Variants in LPCAT1 observed in about 807,000 individuals in gnomAD.
LPCAT1 encodes the protein 1-acylglycerol-3-phosphate O-acyltransferase.
Under a neutral mutation model 60.9 loss-of-function variants are expected in LPCAT1, and 23 were observed. That is an observed-to-expected ratio of 0.38 (90% CI 0.27 to 0.53). The LOEUF (loss-of-function observed/expected upper bound fraction) is 0.53, where lower values mean the gene tolerates loss of function less well. Among genes scored for constraint, LPCAT1 ranks in the 20% least tolerant of loss-of-function variants. The pLI, the probability that LPCAT1 is intolerant of heterozygous loss-of-function variation, is 0.82. For missense variants in LPCAT1, 622 were observed against 723.6 expected (o/e 0.86, Z 1.61); for synonymous variants, 340 against 301.1 (o/e 1.13, Z -1.34).
At chr5:1,518,996 A>G (rs111262658) in intron 1 of LPCAT1, among the ~76,000 whole-genome samples, 10 of 152,360 alleles carry the variant, frequency 6.6e-5, no homozygotes, top group African/African-American at 2.4e-4. Context: ...TGGGGGAAGA[A>G]AGCAGCTCCC....
In LPCAT1 at chr5:1,493,733, G is replaced by A. The variant is rs150687523; in HGVS notation, c.493+967C>T. Among the ~76,000 whole-genome samples, 889 of 152,360 alleles carry A rather than the reference G, an allele frequency of 5.8e-3. 11 individuals carry two copies. Among genetic ancestry groups the A allele is most frequent in the African/African-American group, 0.02 (837 of 41,588 alleles). ...CACAGGTGGGTGAGGGGCCACGCAG[G>A]GCTCCCTACAGTCCTCCCAGAGCAG... is the stretch of plus-strand genomic sequence containing the variant. On this transcript the variant is annotated intron_variant, in intron 3 of 13. Transcript: ENST00000283415.
intron 9 of LPCAT1, 46 bp from the exon 10 acceptor site, chr5:1,474,731 A>G (rs1038054964): frequency 6.3e-7 from 1 of 1,580,690 alleles, no homozygotes; most frequent in Non-Finnish European, 8.6e-7. Context: ...CGTGGCAGCC[A>G]GTTCCCACCG....
At chr5:1,485,493 A>T (rs1735336990) in intron 5 of LPCAT1, among the ~76,000 whole-genome samples, 2 of 151,678 alleles carry the variant, frequency 1.3e-5, no homozygotes, top group Admixed American at 1.3e-4. Context: ...CTGCACAGAA[A>T]CCTCCATATT....
chr5:1,522,806 A>T lies in LPCAT1; in HGVS notation c.135+904T>A, dbSNP rs1242652112. Among the ~76,000 whole-genome samples, 1 of 152,072 alleles carries T rather than the reference A, an allele frequency of 6.6e-6. No homozygotes were observed. Among genetic ancestry groups the T allele is most frequent in the Non-Finnish European group, 1.5e-5 (1 of 67,944 alleles). On this transcript the variant is annotated intron_variant, in intron 1 of 13. Transcript: ENST00000283415. This position sits in a 1 kb window ranked among gnomAD's most constrained non-coding sequence, Gnocchi z 6.8. ...AGGAATTATTCTAGAGTCAAAAGTAAGGTCCTCTTGAGAGTGGATCTCAGG... is the reference window on the plus strand; with the variant it reads ...AGGAATTATTCTAGAGTCAAAAGTATGGTCCTCTTGAGAGTGGATCTCAGG...
At chr5:1,466,577 A>C (rs1392832452) in intron 13 of LPCAT1, among the ~76,000 whole-genome samples, 172 bp downstream of exon 13, 2 of 152,206 alleles carry the variant, frequency 1.3e-5, no homozygotes. Flanking sequence ...GAACGCTGCC[A>C]GGTCTCCAGA....
intron 1 of LPCAT1, among the ~76,000 whole-genome samples, chr5:1,512,285 C>A (rs534254101): frequency 7.7e-4 from 118 of 152,340 alleles, no homozygotes; most frequent in African/African-American, 2.6e-3. Flanking sequence ...GATATGGAGC[C>A]GCTGGGCCGG....
chr5:1,479,771 C>A, intron 7 of LPCAT1, 96 bp from the exon 8 acceptor site: 1 of 949,322 alleles, frequency 1.1e-6, no homozygotes, highest in East Asian at 2.6e-5. Flanking sequence ...GACGCGCCCT[C>A]CAGAGGGCGC....
At position 1,462,095 on chromosome 5, in the gene LPCAT1, G is replaced by C. The variant is rs962568305; in HGVS notation, c.*1556C>G. Reference sequence around the variant, plus strand: ...GGTTGTTTTTAAATGTCTGTCAGTGGAGAAACGCGTATCACGAATCTCTGA... The same window carrying C: ...GGTTGTTTTTAAATGTCTGTCAGTGCAGAAACGCGTATCACGAATCTCTGA... On this transcript the variant is annotated 3_prime_UTR_variant, in exon 14 of 14. Transcript: ENST00000283415. 1.3e-5 allele frequency: 2 copies of C among 152,448 alleles called. No homozygotes were observed. Among genetic ancestry groups the C allele is most frequent in the African/African-American group, 4.8e-5 (2 of 41,410 alleles). 9.4% of individuals were successfully genotyped at this position (152,448 alleles called of 1,614,324 possible).
intron 3 of LPCAT1, among the ~76,000 whole-genome samples, chr5:1,490,559 A>C (rs1735539164): frequency 6.6e-6 from 1 of 152,200 alleles, no homozygotes; most frequent in South Asian, 2.1e-4. Context: ...TTGTTCTGGC[A>C]CTTCTGCTTT....
chr5:1,491,987 GAAA>G (rs1735600590), intron 3 of LPCAT1, among the ~76,000 whole-genome samples: 1 of 152,114 alleles, frequency 6.6e-6, no homozygotes, highest in African/African-American at 2.4e-5. Flanking sequence ...CTCTGAGCTG[GAAA>G]CCTGGGAGAC....
rs564418269 is a variant in LPCAT1 at position 1,516,725 on chromosome 5, A to G, written c.135+6985T>C. Among the ~76,000 whole-genome samples, 16 of 152,272 alleles carry G rather than the reference A, an allele frequency of 1.1e-4. No individual in the cohort carries two copies. In the South Asian group the frequency reaches 2.3e-3, roughly 22 times the overall value. The stretch of plus-strand genomic sequence containing the variant: ...AGAGGGAAGTGTGAAATTCAAGAGT[A>G]AAATCAAGGTTTGGAAAAGGCTGCT... On this transcript the variant is annotated intron_variant, in intron 1 of 13. Transcript: ENST00000283415.
At chr5:1,517,220 C>T (rs1579818019) in intron 1 of LPCAT1, among the ~76,000 whole-genome samples, 1 of 152,064 alleles carries the variant, frequency 6.6e-6, no homozygotes, top group Non-Finnish European at 1.5e-5. Context: ...AGGGGACGGT[C>T]GCGGCTCCTG....
In LPCAT1 at chr5:1,476,497, C is replaced by T. The variant is rs918961979; in HGVS notation, c.899+907G>A. 1.3e-5 allele frequency among the ~76,000 whole-genome samples: 2 copies of T among 152,218 alleles called. No homozygotes were observed. The highest frequency in any genetic ancestry group is 2.4e-5 in the African/African-American group (1 of 41,526). On this transcript the variant is annotated intron_variant, in intron 9 of 13. Coordinates refer to ENST00000283415, the MANE Select transcript of LPCAT1 (RefSeq NM_024830.5). The surrounding 1 kb of genome is among the most constrained non-coding windows in gnomAD (Gnocchi z 8.6). ...CCAGGCACACTCTGATGGGCCCGGC[C>T]GTGGCTGTGTTCCCCTCTGGGCTCT...
At chr5:1,466,663 T>C in intron 13 of LPCAT1, 86 bp downstream of exon 13, 1 of 1,430,282 alleles carries the variant, frequency 7.0e-7, no homozygotes, top group Non-Finnish European at 9.4e-7. Context: ...TCCACTCCTG[T>C]CCTGGGCTCC....
rs1426940813 is a variant in LPCAT1 at position 1,462,842 on chromosome 5, A to G, written c.*809T>C. ...ACATCAAACTGCCAACGTTTATAAA[A>G]AAAGAGGGGACTGGAAAAGGATTAA... On this transcript the variant is annotated 3_prime_UTR_variant, in exon 14 of 14. Transcript: ENST00000283415. 1 of 152,188 alleles carries G rather than the reference A, an allele frequency of 6.6e-6. No individual in the cohort carries two copies. Among genetic ancestry groups the G allele is most frequent in the Non-Finnish European group, 1.5e-5 (1 of 68,044 alleles). The allele number at this position is 152,188 out of a possible 1,614,324, so 9.4% of individuals were successfully genotyped here. A position where few individuals can be genotyped will look rare whatever the true frequency, so the allele number is the denominator to read the frequency against.
At chr5:1,512,665 G>C (rs1186975887) in intron 1 of LPCAT1, among the ~76,000 whole-genome samples, 1 of 152,218 alleles carries the variant, frequency 6.6e-6, no homozygotes, top group Non-Finnish European at 1.5e-5. Context: ...GCCTTCACCT[G>C]GAGTCTTCCT....
intron 2 of LPCAT1, among the ~76,000 whole-genome samples, chr5:1,499,682 C>T (rs536171958): frequency 2.0e-5 from 3 of 152,044 alleles, no homozygotes; most frequent in South Asian, 4.2e-4. Context: ...AGCTGCTCAA[C>T]GTCCACCCAC....
chr5:1,508,479 C>G lies in LPCAT1; in HGVS notation c.136-6876G>C, dbSNP rs745341552. ...GAAGAGGAGATGAGGACACAGACAC[C>G]CAGGGAGGGACGGCCCTGTGAGGAC... On this transcript the variant is annotated intron_variant, in intron 1 of 13. Transcript: ENST00000283415. Among the ~76,000 whole-genome samples the G allele has an allele frequency of 1.8e-3, 269 of 152,144 alleles. 1 individual carries two copies. Among genetic ancestry groups the G allele is most frequent in the Middle Eastern group, 0.01 (3 of 294 alleles).
At chr5:1,506,532 C>A (rs999372467) in intron 1 of LPCAT1, among the ~76,000 whole-genome samples, 1 of 152,238 alleles carries the variant, frequency 6.6e-6, no homozygotes, top group African/African-American at 2.4e-5. Flanking sequence ...TCTGGATGGA[C>A]TCTAGCCCCC....
Sources: gnomAD v4.1 joint callset for allele counts (sites outside exome capture counted in the v4.1 genomes callset) on GRCh38, gnomAD v4.1.1 for gene constraint, Gnocchi (gnomAD v3.1) non-coding constraint, MANE v1.5 for transcripts, NCBI Gene and HGNC (gene_info 2026-07-23, HGNC 2026-07-21) for gene names.